Variants in KIF1B observed in about 807,000 individuals in gnomAD.
KIF1B encodes the protein kinesin-like protein KIF1B.
In KIF1B, 76 loss-of-function variants were observed where a neutral mutation model predicts 241.9. That is an observed-to-expected ratio of 0.31 (90% confidence interval 0.26 to 0.38). The LOEUF (loss-of-function observed/expected upper bound fraction) is 0.38. KIF1B is among the 10% of genes least tolerant of loss of function. The pLI, the probability that KIF1B is intolerant of heterozygous loss-of-function variation, is 1.00. For synonymous variants in KIF1B, 750 were observed against 796.7 expected (o/e 0.94, Z 0.99); for missense variants, 1,622 against 2,271.4 (o/e 0.71, Z 5.81).
intron 2 of KIF1B, among the ~76,000 whole-genome samples, chr1:10,240,953 C>T (rs1647128536): frequency 6.6e-6 from 1 of 152,072 alleles, no homozygotes; most frequent in Admixed American, 6.6e-5. Flanking sequence ...TTATATTCAT[C>T]CTCTGTTATC....
At position 10,314,934 on chromosome 1, in the gene KIF1B, A is replaced by AT. The variant is rs1651236052; in HGVS notation, c.2116-5104dup. Among the ~76,000 whole-genome samples, 4 of 151,416 alleles carry AT rather than the reference A, an allele frequency of 2.6e-5. No homozygotes were observed. In the South Asian group the frequency reaches 8.3e-4, roughly 31 times the overall value. The stretch of plus-strand genomic sequence containing the variant: ...ATTAACATTTTTTTTCTACCTGATG[A>AT]TTTTTAGGTAAAGCAGCAGCTTTCT... On this transcript the variant is annotated intron_variant, in intron 22 of 48. Transcript: ENST00000676179.
Position 10,361,053 on chromosome 1 carries a change from CT to C in KIF1B, c.4170+12del. The C allele has an allele frequency of 6.5e-7, 1 of 1,543,618 alleles. No homozygotes were observed. Among genetic ancestry groups the C allele is most frequent in the Non-Finnish European group, 9.0e-7 (1 of 1,115,716 alleles). ...GTCGGCCTACCTAGAGGTGAGGAGA[CT>C]TGGAACTTCAGTTGATGCCAACAGT... is the stretch of plus-strand genomic sequence containing the variant. On this transcript the variant is annotated intron_variant, in intron 39 of 48. Transcript: ENST00000676179.
intron 31 of KIF1B, 125 bp from the exon 32 acceptor site, chr1:10,339,644 A>G (rs1652313517): frequency 1.2e-6 from 1 of 800,582 alleles, no homozygotes; most frequent in Non-Finnish European, 2.1e-6. Flanking sequence ...AGGAAAGTAA[A>G]TAACTTAAAG....
chr1:10,349,327 C>T (rs1342632567), intron 37 of KIF1B, among the ~76,000 whole-genome samples: 2 of 151,432 alleles, frequency 1.3e-5, no homozygotes, highest in African/African-American at 2.4e-5. Flanking sequence ...CTTGGCTACT[C>T]GGGAGGCTGA....
intron 22 of KIF1B, chr1:10,307,414 A>G (rs755426246): frequency 1.2e-5 from 6 of 495,888 alleles, no homozygotes; most frequent in African/African-American, 8.4e-5. Context: ...GGTTCAAGCA[A>G]TTCTCCTGTC....
At chr1:10,261,478 G>A (rs911870628) in intron 4 of KIF1B, among the ~76,000 whole-genome samples, 1 of 152,052 alleles carries the variant, frequency 6.6e-6, no homozygotes, top group African/African-American at 2.4e-5. Context: ...TCCTGACCTT[G>A]TGATCTGCCT....
chr1:10,292,410 C>T, intron 17 of KIF1B: 1 of 366,064 alleles, frequency 2.7e-6, no homozygotes, highest in Non-Finnish European at 5.1e-6. Flanking sequence ...GTTGCTTTCT[C>T]TTAAATTCCC....
rs532738694 is a variant in KIF1B, at chr1:10,245,913, T to C, written c.107-10334T>C. On this transcript the variant is annotated intron_variant, in intron 2 of 48. Transcript: ENST00000676179. The stretch of plus-strand genomic sequence containing the variant: ...CCTAATTGCCTTCCTTCCTCCCAGG[T>C]TGGTTATTCTTTACCTCCTTCGGTT... Among the ~76,000 whole-genome samples the C allele has an allele frequency of 2.6e-5, 4 of 152,336 alleles. No individual in the cohort carries two copies. The East Asian group carries it at 7.7e-4, about 29-fold the overall frequency.
chr1:10,304,685 AACAG>A (rs1374032448), intron 22 of KIF1B: 11 of 1,611,456 alleles, frequency 6.8e-6, no homozygotes, highest in Middle Eastern at 1.7e-4. Flanking sequence ...TGGTGGAAGA[AACAG>A]ACAGTGTTAG....
chr1:10,360,792 C>G, intron 38 of KIF1B, 137 bp from the exon 39 acceptor site: 3 of 720,436 alleles, frequency 4.2e-6, no homozygotes, highest in Non-Finnish European at 5.1e-6. Context: ...GGGTTCCTCT[C>G]TGTTATTAGA....
At chr1:10,258,293 C>A (rs1171437418) in intron 3 of KIF1B, among the ~76,000 whole-genome samples, 200 bp from the exon 4 acceptor site, 1 of 151,826 alleles carries the variant, frequency 6.6e-6, no homozygotes, top group Non-Finnish European at 1.5e-5. Context: ...TCTAACAGTG[C>A]ATGTGTTTGT....
intron 32 of KIF1B, 33 bp downstream of exon 32, chr1:10,339,892 G>T: frequency 6.4e-7 from 1 of 1,563,448 alleles, no homozygotes; most frequent in Non-Finnish European, 8.8e-7. Context: ...CCAAACATAT[G>T]TTTTTCTGGT....
At chr1:10,243,142 TGTG>T (rs1351784792) in intron 2 of KIF1B, among the ~76,000 whole-genome samples, 1 of 152,014 alleles carries the variant, frequency 6.6e-6, no homozygotes, top group Non-Finnish European at 1.5e-5. Flanking sequence ...TTAGGCCAGG[TGTG>T]GTGGCTCACG....
At chr1:10,340,213 G>A (rs906695661) in intron 32 of KIF1B, among the ~76,000 whole-genome samples, 4 of 152,142 alleles carry the variant, frequency 2.6e-5, no homozygotes, top group Non-Finnish European at 4.4e-5. Context: ...TATGTTGCTC[G>A]ATTGCAAATA....
intron 37 of KIF1B, among the ~76,000 whole-genome samples, chr1:10,349,269 A>G (rs765540368): frequency 2.0e-5 from 3 of 152,006 alleles, no homozygotes; most frequent in Non-Finnish European, 4.4e-5. Context: ...TCCCATCTCT[A>G]CAAAAAAATA....
At chr1:10,273,739 A>AAAAAAAAAAAAAC (rs1557680883) in intron 10 of KIF1B, among the ~76,000 whole-genome samples, 2 of 67,614 alleles carry the variant, frequency 3.0e-5, no homozygotes, top group African/African-American at 7.9e-5. Flanking sequence ...AAAAAAAAAA[A>AAAAAAAAAAAAAC]CCCAACAAAC....
intron 35 of KIF1B, among the ~76,000 whole-genome samples, chr1:10,346,475 C>T (rs1213743125): frequency 6.6e-6 from 1 of 152,146 alleles, no homozygotes; most frequent in Non-Finnish European, 1.5e-5. Context: ...AGCGATTCTC[C>T]TGCCTCAGCC....
chr1:10,309,165 T>C (rs1650961653), intron 22 of KIF1B, among the ~76,000 whole-genome samples: 1 of 152,228 alleles, frequency 6.6e-6, no homozygotes, highest in Admixed American at 6.5e-5. Flanking sequence ...TATTTTTTAA[T>C]GTTTAAAAAC....
chr1:10,279,716 T>A lies in KIF1B; in HGVS notation c.1222+578T>A, dbSNP rs979948211. 2.1e-3 allele frequency among the ~76,000 whole-genome samples: 168 copies of A among 78,986 alleles called. 2 individuals carry two copies. In the East Asian group the frequency reaches 0.035, roughly 16 times the overall value. 51.8% of individuals were successfully genotyped at this position (78,986 alleles called of 152,430 possible). ...TTTTTTTTTTTTTTTTTTTTTTTTT[T>A]AGACAGTCTCACTCTTGTCACCCAA... On this transcript the variant is annotated intron_variant, in intron 14 of 48. Coordinates refer to ENST00000676179, the MANE Select transcript of KIF1B (RefSeq NM_001365951.3).
Sources: gnomAD v4.1 joint callset for allele counts (sites outside exome capture counted in the v4.1 genomes callset) on GRCh38, gnomAD v4.1.1 for gene constraint, MANE v1.5 for transcripts, NCBI Gene and HGNC (gene_info 2026-07-23, HGNC 2026-07-21) for gene names.